The following CLIC5 variants were observed in gnomAD, a reference collection of about 807,000 sequenced individuals.
The protein encoded by CLIC5 is CLIC family member 5, also known as chloride intracellular channel protein 5.
Under a neutral mutation model 24.7 loss-of-function variants are expected in CLIC5, and 20 were observed. The observed-to-expected ratio is 0.81, with a 90% CI of 0.57 to 1.18. CLIC5 has a LOEUF of 1.18. Ranked by LOEUF, CLIC5 falls within the 50% of genes most tolerant of loss-of-function variation. The pLI is 0.00. For missense variants in CLIC5, 341 were observed against 326.1 expected, an observed-to-expected ratio of 1.05 and a Z score of -0.35; for synonymous variants, 159 against 135.6, an observed-to-expected ratio of 1.17 and a Z score of -1.20.
At chr6:45,971,553 C>T (rs1027766957) in intron 1 of CLIC5, among the ~76,000 whole-genome samples, 3 of 152,142 alleles carry the variant, frequency 2.0e-5, no homozygotes, top group East Asian at 1.9e-4. Flanking sequence ...TGATGAACTT[C>T]GAGCATTAAT....
chr6:46,089,460 C>T, the CLIC5 span, among the ~76,000 whole-genome samples: 3 of 152,126 alleles, frequency 2.0e-5, no homozygotes, highest in East Asian at 5.8e-4. Context: ...TGTGGCCAGA[C>T]GATTTCAGGA....
chr6:45,975,090 G>A (rs1015518562), intron 1 of CLIC5, among the ~76,000 whole-genome samples: 1 of 152,112 alleles, frequency 6.6e-6, no homozygotes, highest in Non-Finnish European at 1.5e-5. Context: ...AGCTAAAAGG[G>A]AGGTGACAAA....
intron 2 of CLIC5, 31 bp from the exon 3 acceptor site, chr6:45,949,412 T>C (rs1339983637): frequency 1.2e-6 from 2 of 1,603,954 alleles, no homozygotes; most frequent in Non-Finnish European, 1.7e-6. Flanking sequence ...AGGTGTTGGC[T>C]TACAGCAGGG....
the CLIC5 span, among the ~76,000 whole-genome samples, chr6:46,104,514 C>T: frequency 1.3e-5 from 2 of 151,736 alleles, no homozygotes; most frequent in Non-Finnish European, 2.9e-5. Flanking sequence ...GTTTCGCTAT[C>T]TGAGACTGTC....
At chr6:46,023,179 G>T (rs1324436437) in intron 1 of CLIC5, among the ~76,000 whole-genome samples, 1 of 152,138 alleles carries the variant, frequency 6.6e-6, no homozygotes, top group African/African-American at 2.4e-5. Context: ...TTTTTATAAA[G>T]ATTCTAATTT....
intron 1 of CLIC5, among the ~76,000 whole-genome samples, chr6:46,014,895 T>C (rs2127445669): frequency 6.6e-6 from 1 of 152,314 alleles, no homozygotes; most frequent in African/African-American, 2.4e-5. Context: ...AAAATCATGA[T>C]TATGACAAAA....
rs898746781 is a variant in CLIC5, at chr6:45,958,930, A to G, written c.64-3686T>C. Reference sequence around the variant, plus strand: ...AGGATCTCAAAATTCTCTCACTGGCATTCTGAAAATCATCCTAAAATACAT... The same window carrying G: ...AGGATCTCAAAATTCTCTCACTGGCGTTCTGAAAATCATCCTAAAATACAT... On this transcript the variant is annotated intron_variant, in intron 1 of 5. Coordinates refer to ENST00000339561, the MANE Select transcript of CLIC5 (RefSeq NM_016929.5). 3.2e-4 allele frequency among the ~76,000 whole-genome samples: 48 copies of G among 151,570 alleles called. 1 individual carries two copies. Among genetic ancestry groups the G allele is most frequent in the Non-Finnish European group, 2.5e-4 (17 of 67,954 alleles).
chr6:46,030,883 A>G (rs1219058258), intron 1 of CLIC5, among the ~76,000 whole-genome samples: 1 of 152,218 alleles, frequency 6.6e-6, no homozygotes, highest in Non-Finnish European at 1.5e-5. Context: ...TAGAACTAAG[A>G]TCTTCAAGTA....
At chr6:45,955,735 CCCCCA>C (rs1764621176) in intron 1 of CLIC5, among the ~76,000 whole-genome samples, 1 of 151,538 alleles carries the variant, frequency 6.6e-6, no homozygotes, top group Non-Finnish European at 1.5e-5. Flanking sequence ...AGTTTACCCT[CCCCCA>C]CCCCTCAGTC....
rs574447146 is a variant in CLIC5 at position 45,926,583 on chromosome 6, C to A, written c.407-12174G>T. 7.2e-5 allele frequency among the ~76,000 whole-genome samples: 11 copies of A among 152,138 alleles called. No homozygotes were observed. In the East Asian group the frequency reaches 2.1e-3, roughly 29 times the overall value. On this transcript the variant is annotated intron_variant, in intron 4 of 5. Coordinates refer to ENST00000339561, the MANE Select transcript of CLIC5 (RefSeq NM_016929.5). The stretch of plus-strand genomic sequence containing the variant: ...AGAAACGTATTTTATTTACCTTGAT[C>A]CAGATCATTAAATGCTTTGTCCACC...
Position 45,901,027 on chromosome 6 carries a change from G to A in CLIC5, c.*2061C>T, listed in dbSNP as rs1762497539. 1 of 152,194 alleles carries A rather than the reference G, an allele frequency of 6.6e-6. No individual in the cohort carries two copies. Among genetic ancestry groups the A allele is most frequent in the African/African-American group, 2.4e-5 (1 of 41,444 alleles). The allele number at this position is 152,194 out of a possible 1,614,324, so 9.4% of individuals were successfully genotyped here. A position where few individuals can be genotyped will look rare whatever the true frequency, so the allele number is the denominator to read the frequency against. On this transcript the variant is annotated 3_prime_UTR_variant, in exon 6 of 6. Coordinates refer to ENST00000339561, the MANE Select transcript of CLIC5 (RefSeq NM_016929.5). Reference sequence around the variant, plus strand: ...CAGCCCAACTGTGGGTCTCAGGGAAGTAAACTGCCTCTTAGGTCATCCTGC... The same window carrying A: ...CAGCCCAACTGTGGGTCTCAGGGAAATAAACTGCCTCTTAGGTCATCCTGC...
intron 1 of CLIC5, among the ~76,000 whole-genome samples, chr6:45,959,651 C>T (rs1023322535): frequency 4.0e-5 from 6 of 151,774 alleles, no homozygotes; most frequent in Admixed American, 1.3e-4. Flanking sequence ...CAAATACTGA[C>T]AAATATTAAG....
At chr6:46,114,490 G>A in the CLIC5 span, among the ~76,000 whole-genome samples, 2 of 152,140 alleles carry the variant, frequency 1.3e-5, no homozygotes, top group Non-Finnish European at 2.9e-5. Flanking sequence ...GCTACATTCT[G>A]TCAGGTTAAC....
At chr6:45,911,763 T>C in intron 5 of CLIC5, 1 of 985,456 alleles carries the variant, frequency 1.0e-6, no homozygotes, top group Non-Finnish European at 1.2e-6. Context: ...CTGAACATCG[T>C]CACTATGCTA....
chr6:46,042,725 C>T (rs191343729), intron 1 of CLIC5, among the ~76,000 whole-genome samples: 1 of 152,240 alleles, frequency 6.6e-6, no homozygotes, highest in Admixed American at 6.5e-5. Context: ...TACATGTACC[C>T]GAGCCCAAGA....
chr6:46,007,439 C>T (rs761236031), intron 1 of CLIC5, among the ~76,000 whole-genome samples: 11 of 152,142 alleles, frequency 7.2e-5, no homozygotes, highest in Non-Finnish European at 1.3e-4. Context: ...TTTGCACAGG[C>T]TTCTTCCAAG....
intron 1 of CLIC5, among the ~76,000 whole-genome samples, chr6:46,077,741 C>T (rs988140256): frequency 6.6e-6 from 1 of 152,064 alleles, no homozygotes; most frequent in African/African-American, 2.4e-5. Context: ...CACAATTATG[C>T]TAAAAAGAAT....
intron 1 of CLIC5, among the ~76,000 whole-genome samples, chr6:46,072,933 A>G (rs1026627138): frequency 6.6e-6 from 1 of 152,216 alleles, no homozygotes; most frequent in Non-Finnish European, 1.5e-5. Context: ...TCTGAAGCAT[A>G]TTCATGAACA....
At chr6:45,942,141 T>C (rs1764153518) in intron 3 of CLIC5, among the ~76,000 whole-genome samples, 1 of 152,144 alleles carries the variant, frequency 6.6e-6, no homozygotes, top group Admixed American at 6.5e-5. Context: ...AAACCATTTC[T>C]CCAAAGGAAG....
Sources: gnomAD v4.1 joint callset for allele counts (sites outside exome capture counted in the v4.1 genomes callset) on GRCh38, gnomAD v4.1.1 for gene constraint, MANE v1.5 for transcripts, NCBI Gene and HGNC (gene_info 2026-07-23, HGNC 2026-07-21) for gene names.